Variants in ELN observed in about 807,000 individuals in gnomAD.
ELN encodes elastin.
A neutral mutation model predicts 105.8 loss-of-function variants in ELN; 65 were observed. That is an observed-to-expected ratio of 0.61 (90% CI 0.50 to 0.75). The LOEUF is 0.75. ELN is among the 30% of genes least tolerant of loss of function. The pLI is 0.00. For synonymous variants in ELN, 368 were observed against 389.2 expected, an observed-to-expected ratio of 0.95 and a Z score of 0.64; for missense variants, 882 against 969.4, an observed-to-expected ratio of 0.91 and a Z score of 1.20.
chr7:74,047,751 C>T, intron 13 of ELN, 35 bp downstream of exon 13: 7 of 1,613,868 alleles, frequency 4.3e-6, no homozygotes, highest in Non-Finnish European at 5.9e-6. Flanking sequence ...GGGCTTCCAG[C>T]TCTTTCCCTC....
chr7:74,047,628 C>T (rs1554673270), intron 12 of ELN, 47 bp from the exon 13 acceptor site: 2 of 1,613,668 alleles, frequency 1.2e-6, no homozygotes, highest in South Asian at 1.1e-5. Context: ...GGTGGGAGCC[C>T]AGCAAGGCAT....
rs895194887 is a variant in ELN, at chr7:74,064,692, C to T, written c.1993+997C>T. 3.9e-5 allele frequency among the ~76,000 whole-genome samples: 6 copies of T among 152,182 alleles called. No homozygotes were observed. The East Asian group carries it at 5.8e-4, about 15-fold the overall frequency. The stretch of plus-strand genomic sequence containing the variant: ...TGCCGCCAGGGTCCCAGTCCTCCCC[C>T]TCTCCTCTCTCTTTCAACCCACCTG... On this transcript the variant is annotated intron_variant, in intron 29 of 32. Coordinates refer to ENST00000252034, the MANE Select transcript of ELN (RefSeq NM_000501.4).
chr7:74,059,867 G>T lies in ELN; in HGVS notation c.1415-19G>T. On this transcript the variant is annotated intron_variant, in intron 22 of 32. Transcript: ENST00000252034. ...TTGATCAGGTCTTGGTTAATGATCA[G>T]CTCTTCTCAATCTTGCAGGGTTAGT... 1 of 1,066,806 alleles carries T rather than the reference G, an allele frequency of 9.4e-7. No individual in the cohort carries two copies. Among genetic ancestry groups the T allele is most frequent in the South Asian group, 1.2e-5 (1 of 80,342 alleles). 66.1% of individuals were successfully genotyped at this position (1,066,806 alleles called of 1,614,324 possible).
intron 12 of ELN, 92 bp from the exon 13 acceptor site, chr7:74,047,583 T>C: frequency 6.4e-7 from 1 of 1,567,474 alleles, no homozygotes; most frequent in Non-Finnish European, 8.8e-7. Flanking sequence ...TCTCAAGCTT[T>C]AGCACCTGTG....
chr7:74,035,775 G>T, intron 2 of ELN: 1 of 343,282 alleles, frequency 2.9e-6, no homozygotes, highest in Non-Finnish European at 5.6e-6. Context: ...ATGAAGTATA[G>T]AAATTAAAAA....
At chr7:74,054,591 T>C in intron 18 of ELN, 125 bp from the exon 19 acceptor site, 2 of 964,776 alleles carry the variant, frequency 2.1e-6, no homozygotes, top group African/African-American at 1.6e-5. Flanking sequence ...AATGGATGTG[T>C]AGCCAACTCT....
intron 14 of ELN, 150 bp from the exon 15 acceptor site, chr7:74,048,353 T>C: frequency 2.7e-6 from 4 of 1,477,822 alleles, no homozygotes; most frequent in Non-Finnish European, 3.8e-6. Context: ...GGGGGAGGAG[T>C]GGGGCAGCTC....
chr7:74,037,196 C>CT (rs532604614), intron 3 of ELN, among the ~76,000 whole-genome samples: 1,532 of 138,226 alleles, frequency 0.011, 9 homozygotes, highest in African/African-American at 0.021. Flanking sequence ...GCACCATCTT[C>CT]TTTTTTTTTT....
chr7:74,067,262 T>C lies in ELN; in HGVS notation c.2131+486T>C, dbSNP rs566015860. Among the ~76,000 whole-genome samples, 10 of 147,844 alleles carry C rather than the reference T, an allele frequency of 6.8e-5. No homozygotes were observed. The East Asian group carries it at 2.0e-3, about 29-fold the overall frequency. On this transcript the variant is annotated intron_variant, in intron 32 of 32. Coordinates refer to ENST00000252034, the MANE Select transcript of ELN (RefSeq NM_000501.4). ...GGTGAAACCCCGTCTCTACTAAAAA[T>C]ACTATAGTCTTCTTTTTTTTTTTGA...
chr7:74,065,847 C>G lies in ELN; in HGVS notation c.2033-97C>G, dbSNP rs1313365660. 9.9e-6 allele frequency: 16 copies of G among 1,611,180 alleles called. 1 individual carries two copies. Among genetic ancestry groups the G allele is most frequent in the Non-Finnish European group, 1.4e-5 (16 of 1,177,750 alleles). On this transcript the variant is annotated intron_variant, in intron 30 of 32. Transcript: ENST00000252034. ...TCTGGCTCCCCCTACCCCTGAAGAT[C>G]TTGTCTGGGACATTCCTTAACCCAG...
intron 4 of ELN, 80 bp from the exon 5 acceptor site, chr7:74,041,136 C>G: frequency 6.3e-7 from 1 of 1,595,996 alleles, no homozygotes; most frequent in South Asian, 1.1e-5. Context: ...GATCACAGCA[C>G]TGCCCTAACT....
chr7:74,042,098 T>C (rs547399427), intron 5 of ELN, among the ~76,000 whole-genome samples: 1 of 151,786 alleles, frequency 6.6e-6, no homozygotes, highest in East Asian at 1.9e-4. Flanking sequence ...TTGTCAGAGC[T>C]GTCTAACACA....
In ELN at chr7:74,042,985, C is replaced by T. The variant is rs782428955; in HGVS notation, c.327C>T (p.Gly109=). Residue 109 remains glycine (G), a splice_region_variant and synonymous_variant, in exon 7 of 33, where the codon GGC becomes GGT. Coordinates refer to ENST00000252034, the MANE Select transcript of ELN (RefSeq NM_000501.4). ...GCCTCACCTGTCCTGGCTCTGCAGG[C>T]GCTGGGCTTGGTGGTGTCCCAGGAG... ...AAAAYKAAKA[G]AGLGGVPGVG... is the part of the protein sequence containing the mutation. 12 of 1,614,010 alleles carry T rather than the reference C, an allele frequency of 7.4e-6. No individual in the cohort carries two copies. Among genetic ancestry groups the T allele is most frequent in the South Asian group, 4.4e-5 (4 of 91,086 alleles).
chr7:74,065,875 C>T, intron 30 of ELN, 69 bp from the exon 31 acceptor site: 2 of 1,612,872 alleles, frequency 1.2e-6, no homozygotes, highest in South Asian at 2.2e-5. Context: ...TAACCCAGAA[C>T]CCAGCAGGGA....
chr7:74,065,604 A>G lies in ELN; in HGVS notation c.1994-90A>G, dbSNP rs1244526901. ...ACTCCAGCCCAGGCGAAGGAGTGAG[A>G]CTCTGCCTCAAGAAAAAAAAAAAAA... On this transcript the variant is annotated intron_variant, in intron 29 of 32. Transcript: ENST00000252034. 14 of 1,470,708 alleles carry G rather than the reference A, an allele frequency of 9.5e-6. No homozygotes were observed. In the East Asian group the frequency reaches 2.8e-4, roughly 30 times the overall value. The allele number at this position is 1,470,708 out of a possible 1,614,324, so 91.1% of individuals were successfully genotyped here.
In ELN at chr7:74,042,608, C is replaced by T. The variant is rs1554669132; in HGVS notation, c.233-6C>T. 6.2e-7 allele frequency: 1 copy of T among 1,612,896 alleles called. No homozygotes were observed. Among genetic ancestry groups the T allele is most frequent in the Non-Finnish European group, 8.5e-7 (1 of 1,179,964 alleles). Reference sequence around the variant, plus strand: ...TCAGGACCTCACCCCATCCTCCCCTCCGCAGGGCTCGGCGCCTTCCCCGCA... The same window carrying T: ...TCAGGACCTCACCCCATCCTCCCCTTCGCAGGGCTCGGCGCCTTCCCCGCA... On this transcript the variant is annotated splice_polypyrimidine_tract_variant and splice_region_variant and intron_variant, in intron 5 of 32. Coordinates refer to ENST00000252034, the MANE Select transcript of ELN (RefSeq NM_000501.4).
At position 74,063,332 on chromosome 7, in the gene ELN, T is replaced by A; in HGVS notation, c.1881T>A (p.Ala627=). 1 of 1,551,068 alleles carries A rather than the reference T, an allele frequency of 6.4e-7. No individual in the cohort carries two copies. Among genetic ancestry groups the A allele is most frequent in the Non-Finnish European group, 8.7e-7 (1 of 1,148,304 alleles). Residue 627 remains alanine, a synonymous_variant, in exon 28 of 33, where the codon GCT becomes GCA. Transcript: ENST00000252034. The surrounding 1 kb of genome is among the most constrained non-coding windows in gnomAD (Gnocchi z 4.1). ...GVVGAGPAAA[A]AAAKAAAKAA... ...CAGGAGCCGGACCCGCCGCCGCCGC[T>A]GCCGCAGCCAAAGCTGCTGCCAAAG...
Position 74,048,519 on chromosome 7 carries a change from A to G in ELN, c.762A>G (p.Ala254=). The change falls in exon 15 of 33, where the codon GCA becomes GCG. Residue 254 remains alanine, a synonymous_variant. Transcript: ENST00000252034. ...TTCCCCCAGGGGTTGGCCCCCAGGCAGCAGCAGCAGCGGCAGCTAAAGCAG... is the reference window on the plus strand; with the variant it reads ...TTCCCCCAGGGGTTGGCCCCCAGGCGGCAGCAGCAGCGGCAGCTAAAGCAG... ...YPTGTGVGPQ[A]AAAAAAKAAA... 6.2e-7 allele frequency: 1 copy of G among 1,613,902 alleles called. No individual in the cohort carries two copies. The highest frequency in any genetic ancestry group is 1.1e-5 in the South Asian group (1 of 91,088).
At chr7:74,067,801 G>A (rs1347168699) in intron 32 of ELN, among the ~76,000 whole-genome samples, 2 of 151,242 alleles carry the variant, frequency 1.3e-5, no homozygotes, top group Non-Finnish European at 2.9e-5. Context: ...GGTGGTGCAC[G>A]CCTGTAATCC....
Sources: allele counts gnomAD v4.1 joint callset (sites outside exome capture counted in the v4.1 genomes callset), GRCh38; gene constraint gnomAD v4.1.1; non-coding constraint Gnocchi (gnomAD v3.1); transcripts MANE v1.5; gene names NCBI Gene and HGNC (gene_info 2026-07-23, HGNC 2026-07-21).